Variants in ELAVL2 observed in about 807,000 individuals in gnomAD.
ELAVL2 encodes the protein ELAV-like protein 2.
A neutral mutation model predicts 34.6 loss-of-function variants in ELAVL2; 4 were observed. The observed-to-expected ratio is 0.12, with a 90% CI of 0.06 to 0.26. The LOEUF is 0.26. Ranked by LOEUF, ELAVL2 falls within the 10% of genes least tolerant of loss-of-function variation. ELAVL2 has a pLI of 1.00. For missense variants in ELAVL2, 432 were observed against 442.8 expected (o/e 0.98, Z 0.22); for synonymous variants, 193 against 154.8 (o/e 1.25, Z -1.83).
intron 2 of ELAVL2, among the ~76,000 whole-genome samples, chr9:23,741,189 G>A (rs1023058619): frequency 3.3e-5 from 5 of 152,242 alleles, no homozygotes; most frequent in Admixed American, 1.3e-4. Context: ...ATAGGAACAT[G>A]GAGAAGAACA....
intron 3 of ELAVL2, among the ~76,000 whole-genome samples, chr9:23,722,811 A>C (rs889946675): frequency 6.6e-6 from 1 of 152,352 alleles, no homozygotes; most frequent in South Asian, 2.1e-4. Flanking sequence ...GCACGAATTC[A>C]AAACAGTAAA....
intron 4 of ELAVL2, among the ~76,000 whole-genome samples, chr9:23,702,089 G>A (rs910135538): frequency 3.3e-5 from 5 of 152,064 alleles, no homozygotes; most frequent in African/African-American, 1.2e-4. Flanking sequence ...CATACACTGT[G>A]GTAGAAAGAC....
At chr9:23,693,731 G>A (rs143479561) in intron 5 of ELAVL2, among the ~76,000 whole-genome samples, 1 of 152,184 alleles carries the variant, frequency 6.6e-6, no homozygotes, top group Non-Finnish European at 1.5e-5. Flanking sequence ...GTCATCTGAG[G>A]ATACCTTTCA....
At chr9:23,796,171 T>C (rs926045856) in intron 1 of ELAVL2, among the ~76,000 whole-genome samples, 1 of 151,962 alleles carries the variant, frequency 6.6e-6, no homozygotes, top group Non-Finnish European at 1.5e-5. Flanking sequence ...AACACTAGAG[T>C]TAGAAGGGTG....
At chr9:23,827,540 T>C (rs765079776), upstream of ELAVL2, among the ~76,000 whole-genome samples, 8 of 151,504 alleles carry the variant, frequency 5.3e-5, no homozygotes, top group Admixed American at 2.6e-4. Flanking sequence ...CCAGAATGTG[T>C]AAATGTAATG....
chr9:23,782,010 G>A (rs192680698), intron 1 of ELAVL2, among the ~76,000 whole-genome samples: 6 of 152,032 alleles, frequency 3.9e-5, no homozygotes, highest in Admixed American at 6.5e-5. Flanking sequence ...TTGTGGAGAC[G>A]AGGTTTTGCC....
chr9:23,793,646 G>T (rs2383292), intron 1 of ELAVL2, among the ~76,000 whole-genome samples: 6 of 152,140 alleles, frequency 3.9e-5, no homozygotes, highest in African/African-American at 1.4e-4. Flanking sequence ...CCTGAGCTTC[G>T]TAACCTATAC....
At chr9:23,714,170 T>C (rs191505026) in intron 3 of ELAVL2, among the ~76,000 whole-genome samples, 2 of 152,286 alleles carry the variant, frequency 1.3e-5, no homozygotes, top group Admixed American at 1.3e-4. Context: ...GTAACATATG[T>C]TAATTCAATT....
chr9:23,786,143 C>A (rs931349532), intron 1 of ELAVL2, among the ~76,000 whole-genome samples: 6 of 152,120 alleles, frequency 3.9e-5, no homozygotes, highest in African/African-American at 1.4e-4. Flanking sequence ...GAAAAGTCAC[C>A]TTCCAGAAGA....
chr9:23,759,778 A>ATATATATAT (rs1554720121), intron 2 of ELAVL2, among the ~76,000 whole-genome samples: 11 of 138,878 alleles, frequency 7.9e-5, no homozygotes, highest in Non-Finnish European at 1.3e-4. Flanking sequence ...ATATATATAT[A>ATATATATAT]TATATATATA....
intron 3 of ELAVL2, among the ~76,000 whole-genome samples, chr9:23,726,101 T>C (rs997184571): frequency 2.6e-5 from 4 of 152,018 alleles, no homozygotes; most frequent in African/African-American, 9.6e-5. Context: ...AAATATGACA[T>C]TTACTAATGA....
intron 2 of ELAVL2, among the ~76,000 whole-genome samples, chr9:23,733,459 G>A (rs2047095515): frequency 6.6e-6 from 1 of 152,134 alleles, no homozygotes. Context: ...CTGCCTTAAT[G>A]GTGAGAACCT....
intron 1 of ELAVL2, among the ~76,000 whole-genome samples, chr9:23,777,294 C>T (rs1335879297): frequency 2.0e-5 from 3 of 152,278 alleles, no homozygotes; most frequent in Admixed American, 6.5e-5. Flanking sequence ...CTAAAGGGAA[C>T]CATGACCCTG....
chr9:23,756,946 A>C (rs2053698690), intron 2 of ELAVL2, among the ~76,000 whole-genome samples: 1 of 152,102 alleles, frequency 6.6e-6, no homozygotes, highest in Admixed American at 6.6e-5. Context: ...AAGTGATTCC[A>C]ATGCGGGAAT....
chr9:23,726,007 T>G lies in ELAVL2; in HGVS notation c.333+5015A>C, dbSNP rs142664133. Among the ~76,000 whole-genome samples the G allele has an allele frequency of 7.5e-3, 1,135 of 152,192 alleles. 59 individuals carry two copies. Among genetic ancestry groups the G allele is most frequent in the Admixed American group, 0.068 (1,039 of 15,266 alleles). On this transcript the variant is annotated intron_variant, in intron 3 of 6. Coordinates refer to ENST00000397312, the MANE Select transcript of ELAVL2 (RefSeq NM_004432.5). Reference sequence around the variant, plus strand: ...AGTTAAATCATTTTAGTAAGGTAATTTAGACAGAGTAAGATTTCAGAAATG... The same window carrying G: ...AGTTAAATCATTTTAGTAAGGTAATGTAGACAGAGTAAGATTTCAGAAATG...
intron 3 of ELAVL2, among the ~76,000 whole-genome samples, chr9:23,725,014 C>G (rs528394802): frequency 6.6e-6 from 1 of 152,078 alleles, no homozygotes; most frequent in Non-Finnish European, 1.5e-5. Flanking sequence ...ATGAGGGGTA[C>G]TTTGTAGACG....
At position 23,822,804 on chromosome 9, in the gene ELAVL2, G is replaced by C. The variant is rs142630227; in HGVS notation, c.-16+3002C>G. ...AGGTAAGAGAAAGGAACCGAGCAGT[G>C]GGCGACCCAGTCGCCGCAAGAACGT... is the stretch of plus-strand genomic sequence containing the variant. On this transcript the variant is annotated intron_variant, in intron 1 of 6. Transcript: ENST00000397312. Among the ~76,000 whole-genome samples, 367 of 152,366 alleles carry C rather than the reference G, an allele frequency of 2.4e-3. 3 individuals are homozygous for C. The highest frequency in any genetic ancestry group is 8.4e-3 in the African/African-American group (351 of 41,598).
chr9:23,730,998 G>C, intron 3 of ELAVL2, 24 bp downstream of exon 3: 1 of 1,583,374 alleles, frequency 6.3e-7, no homozygotes, highest in Non-Finnish European at 8.6e-7. Flanking sequence ...TCCGCAAGTA[G>C]ATATAAAAAA....
chr9:23,784,996 T>C (rs754554421), intron 1 of ELAVL2, among the ~76,000 whole-genome samples: 5 of 152,240 alleles, frequency 3.3e-5, no homozygotes, highest in Non-Finnish European at 5.9e-5. Flanking sequence ...CTTGTGAAGT[T>C]ACGTGCATCC....
Sources: allele counts gnomAD v4.1 joint callset (sites outside exome capture counted in the v4.1 genomes callset), GRCh38; gene constraint gnomAD v4.1.1; transcripts MANE v1.5; gene names NCBI Gene and HGNC (gene_info 2026-07-23, HGNC 2026-07-21).